Variants in GPHN observed in about 807,000 individuals in gnomAD.
GPHN encodes the protein gephyrin.
Under a neutral mutation model 95.5 loss-of-function variants are expected in GPHN, and 17 were observed. The ratio of observed to expected loss-of-function variants is 0.18; its 90% CI spans 0.12 to 0.27. The LOEUF is 0.27. Among genes scored for constraint, GPHN ranks in the 10% least tolerant of loss-of-function variants. The probability of loss-of-function intolerance (pLI) is 1.00; values close to 1 mark genes in which losing one functional copy is unlikely to be tolerated. For missense variants in GPHN, 660 were observed against 978.1 expected (o/e 0.67, Z 4.34); for synonymous variants, 320 against 322.5 (o/e 0.99, Z 0.08).
the GPHN span, chr14:67,576,491 G>A: frequency 6.4e-7 from 1 of 1,572,618 alleles, no homozygotes; most frequent in Non-Finnish European, 8.8e-7. This position sits in a 1 kb window ranked among gnomAD's most constrained non-coding sequence, Gnocchi z 4.0. Flanking sequence ...GATGGATGGT[G>A]AAGGAGATCC....
chr14:66,897,499 C>A (rs1436293301), intron 5 of GPHN, among the ~76,000 whole-genome samples: 1 of 152,042 alleles, frequency 6.6e-6, no homozygotes, highest in African/African-American at 2.4e-5. Flanking sequence ...ACCCAGCCCC[C>A]CTTTCCTAAA....
intron 1 of GPHN, among the ~76,000 whole-genome samples, chr14:66,600,805 G>A (rs1238183908): frequency 6.6e-6 from 1 of 152,044 alleles, no homozygotes; most frequent in Non-Finnish European, 1.5e-5. Flanking sequence ...TAGTATGAGA[G>A]CAGAAACAAA....
At chr14:67,685,181 C>T in the GPHN span, 3 of 1,613,340 alleles carry the variant, frequency 1.9e-6, no homozygotes, top group South Asian at 2.2e-5. Context: ...CCAGGGTGTA[C>T]AGAATACGTC....
chr14:66,806,928 C>T (rs895768400), intron 3 of GPHN, among the ~76,000 whole-genome samples: 2 of 152,178 alleles, frequency 1.3e-5, no homozygotes, highest in Non-Finnish European at 2.9e-5. Context: ...TTTTGGGTAT[C>T]TACAGCAGTG....
chr14:66,517,991 G>A (rs566283971), intron 1 of GPHN, among the ~76,000 whole-genome samples: 1 of 151,956 alleles, frequency 6.6e-6, no homozygotes, highest in South Asian at 2.1e-4. Context: ...ATAACCAACA[G>A]AATGAAAGGC....
At chr14:66,910,024 A>G (rs2065588695) in intron 5 of GPHN, among the ~76,000 whole-genome samples, 2 of 151,922 alleles carry the variant, frequency 1.3e-5, no homozygotes, top group African/African-American at 4.8e-5. Flanking sequence ...AGCATTCCTC[A>G]TTTCATCAAA....
intron 2 of GPHN, among the ~76,000 whole-genome samples, chr14:66,683,632 A>G (rs1427982540): frequency 6.9e-6 from 1 of 145,118 alleles, no homozygotes; most frequent in Non-Finnish European, 1.5e-5. Flanking sequence ...TGAATTGTTA[A>G]TGGTGCAACA....
the GPHN span, among the ~76,000 whole-genome samples, chr14:67,351,035 T>C: frequency 4.6e-5 from 7 of 152,226 alleles, no homozygotes; most frequent in African/African-American, 7.2e-5. Flanking sequence ...CCTAATGGTG[T>C]ATTAATTTTA....
chr14:67,423,827 G>A, the GPHN span, among the ~76,000 whole-genome samples: 2 of 152,188 alleles, frequency 1.3e-5, no homozygotes, highest in African/African-American at 2.4e-5. Flanking sequence ...CCTGGGGTGG[G>A]TGTTACTGAT....
chr14:67,653,617 G>T, the GPHN span: 1 of 870,512 alleles, frequency 1.1e-6, no homozygotes, highest in Non-Finnish European at 1.8e-6. Context: ...AAGAAATCAA[G>T]CCAATTTAAA....
At chr14:66,875,867 A>G (rs2063640919) in intron 4 of GPHN, among the ~76,000 whole-genome samples, 1 of 152,132 alleles carries the variant, frequency 6.6e-6, no homozygotes, top group Non-Finnish European at 1.5e-5. Context: ...TAACAAGGAT[A>G]TTTAGGACTT....
intron 11 of GPHN, among the ~76,000 whole-genome samples, chr14:67,062,049 T>C (rs2075846161): frequency 1.3e-5 from 2 of 152,206 alleles, no homozygotes; most frequent in Admixed American, 1.3e-4. Context: ...ATTTGTTCAC[T>C]ATTAATTTTA....
intron 3 of GPHN, among the ~76,000 whole-genome samples, chr14:66,809,105 A>G (rs1382276524): frequency 6.6e-6 from 1 of 152,168 alleles, no homozygotes; most frequent in African/African-American, 2.4e-5. Context: ...AAGATTTTGA[A>G]GCAAAGGAAA....
At chr14:66,970,587 G>A (rs1030724204) in intron 9 of GPHN, among the ~76,000 whole-genome samples, 8 of 152,268 alleles carry the variant, frequency 5.3e-5, no homozygotes, top group African/African-American at 1.9e-4. Context: ...CTCATAAAAT[G>A]GCCATACTTC....
the GPHN span, among the ~76,000 whole-genome samples, chr14:67,236,965 C>G: frequency 1.3e-5 from 2 of 151,942 alleles, no homozygotes; most frequent in Non-Finnish European, 2.9e-5. Context: ...GTGGCAGGTG[C>G]CTGTAATCCC....
the GPHN span, among the ~76,000 whole-genome samples, chr14:67,612,439 A>C: frequency 6.6e-6 from 1 of 152,190 alleles, no homozygotes; most frequent in African/African-American, 2.4e-5. Flanking sequence ...TATCTTAATG[A>C]TCTAAAGGTA....
At chr14:67,468,876 T>C in the GPHN span, among the ~76,000 whole-genome samples, 4,049 of 150,186 alleles carry the variant, frequency 0.027, 73 homozygotes, top group Non-Finnish European at 0.043. Flanking sequence ...GTCTGGGTAA[T>C]AGAGTGAGAT....
At chr14:66,809,282 A>C (rs1191648846) in intron 3 of GPHN, among the ~76,000 whole-genome samples, 2 of 152,206 alleles carry the variant, frequency 1.3e-5, no homozygotes, top group Non-Finnish European at 2.9e-5. Context: ...GGTATATCAC[A>C]GTGGTTAATA....
At chr14:67,435,915 C>T in the GPHN span, among the ~76,000 whole-genome samples, 115 of 152,332 alleles carry the variant, frequency 7.5e-4, 1 homozygote, top group Middle Eastern at 3.4e-3. Context: ...GGAAAAAGAG[C>T]TTAGCAGGCA....
Sources: gnomAD v4.1 joint callset for allele counts (sites outside exome capture counted in the v4.1 genomes callset) on GRCh38, gnomAD v4.1.1 for gene constraint, Gnocchi (gnomAD v3.1) non-coding constraint, MANE v1.5 for transcripts, NCBI Gene and HGNC (gene_info 2026-07-23, HGNC 2026-07-21) for gene names.